Variants in FBXL17 observed in about 807,000 individuals in gnomAD.
The protein encoded by FBXL17 is F-box/LRR-repeat protein 17.
FBXL17 carries 22 observed loss-of-function variants against 66.2 expected under a neutral mutation model. The observed-to-expected ratio is 0.33, with a 90% CI of 0.24 to 0.47. The LOEUF (loss-of-function observed/expected upper bound fraction) is 0.47, where lower values mean the gene tolerates loss of function less well. FBXL17 is among the 20% of genes least tolerant of loss of function. FBXL17 has a pLI of 1.00. For missense variants in FBXL17, 878 were observed against 948.2 expected (o/e 0.93, Z 0.97); for synonymous variants, 474 against 400.5 (o/e 1.18, Z -2.19).
At chr5:107,918,366 G>T (rs1750202666) in intron 7 of FBXL17, among the ~76,000 whole-genome samples, 1 of 152,184 alleles carries the variant, frequency 6.6e-6, no homozygotes, top group Non-Finnish European at 1.5e-5. Context: ...CAAATCTAGG[G>T]TTGCTGAGAT....
chr5:108,083,246 CACACAGAG>C (rs61622356), intron 6 of FBXL17, among the ~76,000 whole-genome samples: 2,148 of 141,500 alleles, frequency 0.015, 57 homozygotes, highest in African/African-American at 0.056. Context: ...CACACACACA[CACACAGAG>C]AGAGAGATAG....
At chr5:108,018,612 C>T (rs199837280) in intron 7 of FBXL17, among the ~76,000 whole-genome samples, 1 of 152,072 alleles carries the variant, frequency 6.6e-6, no homozygotes, top group Non-Finnish European at 1.5e-5. Flanking sequence ...TCAACAGATG[C>T]AAAAACTTTC....
At chr5:108,124,893 C>T (rs1750636920) in intron 6 of FBXL17, among the ~76,000 whole-genome samples, 1 of 151,960 alleles carries the variant, frequency 6.6e-6, no homozygotes. Context: ...ATTTAGCTAA[C>T]ATAGCTTTAC....
chr5:108,077,525 T>C (rs1748598818), intron 6 of FBXL17, among the ~76,000 whole-genome samples: 1 of 152,020 alleles, frequency 6.6e-6, no homozygotes, highest in Admixed American at 6.6e-5. Context: ...TAACCAGATG[T>C]GGTAGCATGT....
chr5:107,910,495 G>A (rs1340927563), intron 7 of FBXL17, among the ~76,000 whole-genome samples: 1 of 152,012 alleles, frequency 6.6e-6, no homozygotes, highest in Non-Finnish European at 1.5e-5. Flanking sequence ...ATCCATTAAA[G>A]CCATAAACAA....
chr5:108,170,438 C>A (rs1283121720), intron 6 of FBXL17, among the ~76,000 whole-genome samples: 2 of 152,036 alleles, frequency 1.3e-5, no homozygotes, highest in Non-Finnish European at 2.9e-5. Flanking sequence ...AGAAGAATTT[C>A]AAAAATAAAG....
At chr5:108,081,057 A>G (rs764078600) in intron 6 of FBXL17, among the ~76,000 whole-genome samples, 6 of 152,108 alleles carry the variant, frequency 3.9e-5, no homozygotes, top group Non-Finnish European at 5.9e-5. Context: ...TTTTGGGGTA[A>G]AATTCTGACC....
At chr5:108,374,652 G>A (rs1749297136) in intron 1 of FBXL17, among the ~76,000 whole-genome samples, 2 of 152,090 alleles carry the variant, frequency 1.3e-5, no homozygotes, top group South Asian at 2.1e-4. Context: ...CTCCAGCCTG[G>A]GTGATACAGT....
At chr5:107,893,900 TTAAC>T (rs1749286701) in intron 7 of FBXL17, among the ~76,000 whole-genome samples, 1 of 152,206 alleles carries the variant, frequency 6.6e-6, no homozygotes, top group Non-Finnish European at 1.5e-5. Flanking sequence ...TGCCGAGTAA[TTAAC>T]TAACCATTTG....
intron 3 of FBXL17, among the ~76,000 whole-genome samples, chr5:108,360,731 C>T (rs1748291478): frequency 6.6e-6 from 1 of 152,064 alleles, no homozygotes; most frequent in African/African-American, 2.4e-5. Flanking sequence ...TGTTTTTCTG[C>T]TTGATGGATG....
chr5:108,124,321 C>G (rs1750615035), intron 6 of FBXL17, among the ~76,000 whole-genome samples: 1 of 151,898 alleles, frequency 6.6e-6, no homozygotes, highest in Non-Finnish European at 1.5e-5. Context: ...TGCAGGAAAA[C>G]TTATTTTAAT....
intron 7 of FBXL17, among the ~76,000 whole-genome samples, chr5:107,989,963 T>A (rs1420469632): frequency 6.6e-6 from 1 of 152,322 alleles, no homozygotes; most frequent in Non-Finnish European, 1.5e-5. Context: ...GCTGTGAAGT[T>A]CTTTTCTTCT....
chr5:108,080,175 T>A (rs1404238138), intron 6 of FBXL17, among the ~76,000 whole-genome samples: 1 of 152,212 alleles, frequency 6.6e-6, no homozygotes, highest in Non-Finnish European at 1.5e-5. Flanking sequence ...TACAACCAGA[T>A]AAATTTACCT....
intron 7 of FBXL17, among the ~76,000 whole-genome samples, chr5:107,946,252 A>AT (rs201604465): frequency 5.5e-4 from 31 of 56,878 alleles, no homozygotes; most frequent in African/African-American, 2.0e-3. Context: ...TATCAATCTC[A>AT]TTTTATATAT....
intron 3 of FBXL17, among the ~76,000 whole-genome samples, chr5:108,349,417 A>T (rs1291883056): frequency 6.6e-6 from 1 of 151,986 alleles, no homozygotes; most frequent in African/African-American, 2.4e-5. Flanking sequence ...TTTAATAAAC[A>T]TTGCTTTTGT....
intron 7 of FBXL17, among the ~76,000 whole-genome samples, chr5:107,914,992 G>A (rs1375299183): frequency 6.6e-6 from 1 of 152,002 alleles, no homozygotes; most frequent in Non-Finnish European, 1.5e-5. Flanking sequence ...TTTAGTTAAT[G>A]GTTTTAAAAA....
At chr5:108,216,000 A>G (rs756514229) in intron 5 of FBXL17, among the ~76,000 whole-genome samples, 7 of 152,160 alleles carry the variant, frequency 4.6e-5, no homozygotes, top group Non-Finnish European at 8.8e-5. Context: ...TATTAATAGG[A>G]CATAGATGTG....
At chr5:107,927,280 T>C (rs1344240978) in intron 7 of FBXL17, among the ~76,000 whole-genome samples, 2 of 152,132 alleles carry the variant, frequency 1.3e-5, no homozygotes, top group Non-Finnish European at 1.5e-5. Context: ...AATAGCAATA[T>C]TTAAATAATG....
At chr5:108,206,046 C>T (rs2150054562) in intron 5 of FBXL17, among the ~76,000 whole-genome samples, 1 of 152,250 alleles carries the variant, frequency 6.6e-6, no homozygotes, top group Non-Finnish European at 1.5e-5. Context: ...TCAACTTCTT[C>T]CCTCCATTAT....
Sources: allele counts gnomAD v4.1 joint callset (sites outside exome capture counted in the v4.1 genomes callset), GRCh38; gene constraint gnomAD v4.1.1; transcripts MANE v1.5; gene names NCBI Gene and HGNC (gene_info 2026-07-23, HGNC 2026-07-21).